The following CCDC171 variants were observed in gnomAD, a reference collection of about 807,000 sequenced individuals.
CCDC171 encodes coiled-coil domain-containing protein 171.
A neutral mutation model predicts 168.2 loss-of-function variants in CCDC171; 177 were observed. That is an observed-to-expected ratio of 1.05 (90% CI 0.93 to 1.19). CCDC171 has a LOEUF of 1.19. Ranked by LOEUF, CCDC171 falls within the 50% of genes most tolerant of loss-of-function variation. CCDC171 has a pLI of 0.00. For synonymous variants in CCDC171, 687 were observed against 540.8 expected, an observed-to-expected ratio of 1.27 and a Z score of -3.75; for missense variants, 1,991 against 1,539.0, an observed-to-expected ratio of 1.29 and a Z score of -4.91.
intron 21 of CCDC171, 118 bp downstream of exon 21, chr9:15,784,812 G>A (rs1365621462): frequency 4.0e-6 from 3 of 741,412 alleles, no homozygotes; most frequent in Non-Finnish European, 6.3e-6. Flanking sequence ...TTTATTCTAT[G>A]AGGATAGAAT....
At chr9:15,598,306 A>G (rs959287239) in intron 6 of CCDC171, among the ~76,000 whole-genome samples, 3 of 151,444 alleles carry the variant, frequency 2.0e-5, no homozygotes, top group Non-Finnish European at 2.9e-5. Context: ...ATTTCCCTCT[A>G]TACACTGGTT....
intron 15 of CCDC171, among the ~76,000 whole-genome samples, chr9:15,729,073 G>T (rs1418111259): frequency 6.6e-6 from 1 of 152,080 alleles, no homozygotes; most frequent in Non-Finnish European, 1.5e-5. Flanking sequence ...TAATTAAAAT[G>T]AATGTGTTTT....
At chr9:15,960,092 G>A (rs2132623317) in intron 25 of CCDC171, among the ~76,000 whole-genome samples, 1 of 152,276 alleles carries the variant, frequency 6.6e-6, no homozygotes, top group African/African-American at 2.4e-5. Context: ...GGAAGGACCA[G>A]GGTAACTTGA....
the CCDC171 span, among the ~76,000 whole-genome samples, chr9:16,068,212 T>C: frequency 6.7e-6 from 1 of 149,938 alleles, no homozygotes; most frequent in Admixed American, 6.6e-5. Flanking sequence ...TCACAATTGC[T>C]TCAAAGAGAA....
intron 3 of CCDC171, among the ~76,000 whole-genome samples, chr9:16,002,986 T>C (rs1832599633): frequency 6.6e-6 from 1 of 152,228 alleles, no homozygotes; most frequent in Admixed American, 6.5e-5. Flanking sequence ...ACTCAACATT[T>C]GCACAATGAT....
At chr9:15,615,997 C>T (rs2044055453) in intron 6 of CCDC171, among the ~76,000 whole-genome samples, 1 of 152,116 alleles carries the variant, frequency 6.6e-6, no homozygotes, top group Non-Finnish European at 1.5e-5. Context: ...GTCGCCCAGG[C>T]TGGAGTGCAG....
chr9:15,777,785 C>G lies in CCDC171; in HGVS notation c.2857C>G (p.Leu953Val), dbSNP rs2057411230. Residue 953 changes from leucine to valine, a missense_variant, in exon 19 of 26, where the codon CTG (leucine) becomes GTG (valine). Leu to Val is a conservative substitution (Grantham distance 32). Transcript: ENST00000380701. ...LAHGLHKVNTLALKYGLRGHV... is the reference protein window; with the variant it reads ...LAHGLHKVNTVALKYGLRGHV... ...CCATGGACTTCATAAAGTAAACACA[C>G]TGGCCCTGAAATATGGTTTGCGTGG... 6.2e-7 allele frequency: 1 copy of G among 1,613,010 alleles called. No individual in the cohort carries two copies.
At chr9:15,686,532 A>T (rs2050406979) in intron 10 of CCDC171, among the ~76,000 whole-genome samples, 1 of 152,134 alleles carries the variant, frequency 6.6e-6, no homozygotes, top group Non-Finnish European at 1.5e-5. Context: ...AAAAAAATAA[A>T]AAAAAGATAA....
At chr9:15,761,810 T>C (rs10756700) in intron 18 of CCDC171, among the ~76,000 whole-genome samples, 62,005 of 151,954 alleles carry the variant, frequency 0.41, 14,322 homozygotes, top group East Asian at 0.65. Flanking sequence ...TGTGATTTCT[T>C]ATATTATCAC....
At chr9:15,721,517 G>C (rs1206353819) in intron 11 of CCDC171, among the ~76,000 whole-genome samples, 1 of 150,364 alleles carries the variant, frequency 6.7e-6, no homozygotes, top group East Asian at 2.0e-4. Flanking sequence ...ATTTAAATTT[G>C]ATATATTATG....
chr9:15,645,264 T>A (rs909471437), intron 7 of CCDC171, among the ~76,000 whole-genome samples: 32 of 152,052 alleles, frequency 2.1e-4, no homozygotes, highest in African/African-American at 7.2e-4. Context: ...AGACCAAAGG[T>A]AGATAAAACC....
At chr9:15,682,914 T>C (rs532798783) in intron 10 of CCDC171, among the ~76,000 whole-genome samples, 1 of 152,152 alleles carries the variant, frequency 6.6e-6, no homozygotes, top group Admixed American at 6.5e-5. Context: ...CTGATCATGC[T>C]TATTAAAGTC....
chr9:16,067,519 A>C, the CCDC171 span, among the ~76,000 whole-genome samples: 1 of 152,270 alleles, frequency 6.6e-6, no homozygotes. Context: ...TTGGTGTTTT[A>C]GACATGAAGT....
chr9:15,688,437 C>T (rs1211027650), intron 10 of CCDC171, among the ~76,000 whole-genome samples: 2 of 152,084 alleles, frequency 1.3e-5, no homozygotes, highest in Non-Finnish European at 2.9e-5. Flanking sequence ...TACAGACTAG[C>T]CTCCCTTTTG....
intron 21 of CCDC171, among the ~76,000 whole-genome samples, chr9:15,795,797 C>G (rs1405854166): frequency 1.3e-5 from 2 of 152,162 alleles, no homozygotes; most frequent in Non-Finnish European, 1.5e-5. Context: ...GGAAAAGTTA[C>G]TAAGGAAACT....
At chr9:16,063,705 C>T (rs1833960698), downstream of CCDC171, among the ~76,000 whole-genome samples, 1 of 152,140 alleles carries the variant, frequency 6.6e-6, no homozygotes, top group South Asian at 2.1e-4. Flanking sequence ...ATGACAATGC[C>T]TTTTGTTCAT....
chr9:15,819,808 A>G (rs1202428016), intron 21 of CCDC171, among the ~76,000 whole-genome samples: 1 of 117,220 alleles, frequency 8.5e-6, no homozygotes, highest in Non-Finnish European at 1.9e-5. Flanking sequence ...AAGGATATCC[A>G]GGAATTGAAC....
At chr9:15,779,745 A>G (rs1479348058) in intron 20 of CCDC171, among the ~76,000 whole-genome samples, 5 of 152,246 alleles carry the variant, frequency 3.3e-5, no homozygotes, top group African/African-American at 7.2e-5. Context: ...TGTTCAATTT[A>G]TCTAACGTCC....
intron 2 of CCDC171, among the ~76,000 whole-genome samples, chr9:15,569,331 G>A (rs1009787821): frequency 6.6e-6 from 1 of 152,018 alleles, no homozygotes; most frequent in Non-Finnish European, 1.5e-5. Flanking sequence ...TGTGAACTTG[G>A]GTAATAGGGG....
Sources: allele counts gnomAD v4.1 joint callset (sites outside exome capture counted in the v4.1 genomes callset), GRCh38; gene constraint gnomAD v4.1.1; transcripts MANE v1.5; gene names NCBI Gene and HGNC (gene_info 2026-07-23, HGNC 2026-07-21).